MCU: variants seen among roughly 807,000 people sequenced by gnomAD.
MCU encodes the protein mitochondrial calcium uniporter, also known as calcium uniporter protein, mitochondrial.
In MCU, 12 loss-of-function variants were observed where a neutral mutation model predicts 45.2. The observed-to-expected ratio is 0.27, with a 90% CI of 0.17 to 0.43. The LOEUF (loss-of-function observed/expected upper bound fraction) is 0.43. Ranked by LOEUF, MCU falls within the 20% of genes least tolerant of loss-of-function variation. The pLI is 1.00. For missense variants in MCU, 324 were observed against 436.7 expected, an observed-to-expected ratio of 0.74 and a Z score of 2.30; for synonymous variants, 160 against 165.1, an observed-to-expected ratio of 0.97 and a Z score of 0.24.
At chr10:72,723,830 C>T (rs1289394046) in intron 1 of MCU, among the ~76,000 whole-genome samples, 1 of 152,144 alleles carries the variant, frequency 6.6e-6, no homozygotes, top group Non-Finnish European at 1.5e-5. Context: ...TAGTTTGTTG[C>T]TCTGCAGATA....
chr10:72,774,022 G>A (rs1425490317), intron 1 of MCU, among the ~76,000 whole-genome samples: 2 of 152,094 alleles, frequency 1.3e-5, no homozygotes, highest in African/African-American at 4.8e-5. Flanking sequence ...CCACTAACGT[G>A]CTAAAGGAAA....
At chr10:72,831,086 A>T (rs1397713042) in intron 1 of MCU, among the ~76,000 whole-genome samples, 1 of 152,242 alleles carries the variant, frequency 6.6e-6, no homozygotes, top group African/African-American at 2.4e-5. Flanking sequence ...GAGTCCATTG[A>T]TCTATAGCAT....
chr10:72,695,898 TCA>T (rs1842680356), intron 1 of MCU, among the ~76,000 whole-genome samples: 1 of 151,642 alleles, frequency 6.6e-6, no homozygotes, highest in Non-Finnish European at 1.5e-5. Flanking sequence ...GTGCGGTGGC[TCA>T]CACCTGTAAT....
intron 6 of MCU, among the ~76,000 whole-genome samples, chr10:72,880,156 A>G (rs1251622759): frequency 6.6e-6 from 1 of 152,270 alleles, no homozygotes; most frequent in Non-Finnish European, 1.5e-5. Flanking sequence ...GGAATAAGGT[A>G]GAAGTACCGC....
chr10:72,731,097 A>G (rs1184624587), intron 1 of MCU: 1 of 152,096 alleles, frequency 6.6e-6, no homozygotes, highest in Non-Finnish European at 1.5e-5. Context: ...CCCAGTTTAT[A>G]TATATATTTT....
Position 72,859,183 on chromosome 10 carries a change from C to T in MCU, c.227C>T (p.Thr76Ile). 1.9e-6 allele frequency: 3 copies of T among 1,591,024 alleles called. No individual in the cohort carries two copies. Among genetic ancestry groups the T allele is most frequent in the Non-Finnish European group, 2.6e-6 (3 of 1,169,018 alleles). ...GTGGGTCTTTTTCATTCAGATGTTACAGTGGTTTATCAAAATGGGTTACCT... is the reference window on the plus strand; with the variant it reads ...GTGGGTCTTTTTCATTCAGATGTTATAGTGGTTTATCAAAATGGGTTACCT... ...CSTVVPSDDV[T>I]VVYQNGLPVI... Residue 76 changes from threonine to isoleucine, a missense_variant, in exon 3 of 8, where the codon ACA becomes ATA. By Grantham distance (89) the Thr-to-Ile change is moderately conservative. Coordinates refer to ENST00000373053, the MANE Select transcript of MCU (RefSeq NM_138357.3).
chr10:72,845,207 T>C (rs1181833674), intron 2 of MCU, among the ~76,000 whole-genome samples: 1 of 152,080 alleles, frequency 6.6e-6, no homozygotes, highest in Middle Eastern at 3.2e-3. Flanking sequence ...ATTTAATAAA[T>C]GGTGCTATTA....
intron 1 of MCU, among the ~76,000 whole-genome samples, chr10:72,768,621 A>G (rs2132732885): frequency 6.6e-6 from 1 of 152,318 alleles, no homozygotes; most frequent in African/African-American, 2.4e-5. Flanking sequence ...TTTGATTGTC[A>G]TTACTAATAT....
intron 1 of MCU, among the ~76,000 whole-genome samples, chr10:72,734,532 G>A (rs902752637): frequency 1.4e-4 from 21 of 152,148 alleles, no homozygotes; most frequent in African/African-American, 5.1e-4. Context: ...TTTAGGCATA[G>A]TAATACTTAC....
intron 1 of MCU, among the ~76,000 whole-genome samples, chr10:72,750,516 C>G (rs1843479027): frequency 6.6e-6 from 1 of 152,142 alleles, no homozygotes; most frequent in Non-Finnish European, 1.5e-5. Flanking sequence ...GGGAGATATC[C>G]TAGCATTTAT....
chr10:72,822,959 A>T (rs774270738), intron 1 of MCU, among the ~76,000 whole-genome samples: 5 of 152,212 alleles, frequency 3.3e-5, no homozygotes, highest in Non-Finnish European at 7.3e-5. Context: ...TCGTATGGCG[A>T]TTCCTCACAA....
chr10:72,814,434 C>T (rs965160017), intron 1 of MCU, among the ~76,000 whole-genome samples: 1 of 151,838 alleles, frequency 6.6e-6, no homozygotes, highest in Non-Finnish European at 1.5e-5. Context: ...ACCTATCAAG[C>T]CTATAATTTT....
intron 4 of MCU, among the ~76,000 whole-genome samples, chr10:72,865,771 T>G (rs1010863375): frequency 8.7e-5 from 13 of 150,104 alleles, no homozygotes; most frequent in South Asian, 4.2e-4. Context: ...TTGTTTTTTT[T>G]TTTGTTTTTT....
intron 6 of MCU, among the ~76,000 whole-genome samples, chr10:72,873,577 G>A (rs556014102): frequency 1.9e-4 from 29 of 152,184 alleles, no homozygotes; most frequent in Admixed American, 1.0e-3. Flanking sequence ...TCTGCTGACC[G>A]TTTCCTTTGC....
rs568165236 is a variant in MCU, at chr10:72,754,731, T to C, written c.150+62430T>C. Among the ~76,000 whole-genome samples the C allele has an allele frequency of 1.9e-4, 29 of 152,236 alleles. No individual in the cohort carries two copies. The South Asian group carries it at 6.0e-3, about 32-fold the overall frequency. ...CACCTGTCTTAGCCTCCCAAACTGC[T>C]GGGATTACAGGCATGAGCAGCCCAG... On this transcript the variant is annotated intron_variant, in intron 1 of 7. Coordinates refer to ENST00000373053, the MANE Select transcript of MCU (RefSeq NM_138357.3).
intron 1 of MCU, among the ~76,000 whole-genome samples, chr10:72,771,209 T>G (rs749403595): frequency 6.6e-6 from 1 of 151,990 alleles, no homozygotes; most frequent in Non-Finnish European, 1.5e-5. Flanking sequence ...AGCCCCCTAA[T>G]CCCTGACAGG....
chr10:72,860,347 T>C (rs1207888392), intron 3 of MCU, 76 bp from the exon 4 acceptor site: 1 of 1,275,936 alleles, frequency 7.8e-7, no homozygotes, highest in Non-Finnish European at 1.1e-6. Context: ...TTAAAAACGA[T>C]TTTGAAGATT....
chr10:72,778,540 G>C (rs1284110535), intron 1 of MCU, among the ~76,000 whole-genome samples: 1 of 152,120 alleles, frequency 6.6e-6, no homozygotes, highest in South Asian at 2.1e-4. Flanking sequence ...GCCGGGGGGT[G>C]GGGTTTGGGA....
At chr10:72,837,528 G>A (rs996677435) in intron 2 of MCU, among the ~76,000 whole-genome samples, 2 of 152,146 alleles carry the variant, frequency 1.3e-5, no homozygotes, top group East Asian at 3.8e-4. Flanking sequence ...GATAGTAATA[G>A]TTAACACCTC....
Sources: allele counts gnomAD v4.1 joint callset (sites outside exome capture counted in the v4.1 genomes callset), GRCh38; gene constraint gnomAD v4.1.1; transcripts MANE v1.5; gene names NCBI Gene and HGNC (gene_info 2026-07-23, HGNC 2026-07-21).